Variants in USP37 observed in about 807,000 individuals in gnomAD.
USP37 encodes ubiquitin carboxyl-terminal hydrolase 37.
USP37 carries 27 observed loss-of-function variants against 124.0 expected under a neutral mutation model. The observed-to-expected ratio is 0.22, with a 90% CI of 0.16 to 0.30. The LOEUF is 0.30. Ranked by LOEUF, USP37 falls within the 10% of genes least tolerant of loss-of-function variation. The pLI is 1.00. For missense variants in USP37, 889 were observed against 1,140.4 expected (o/e 0.78, Z 3.17); for synonymous variants, 365 against 388.0 (o/e 0.94, Z 0.70).
At chr2:218,566,812 G>C (rs1516086) in intron 1 of USP37, among the ~76,000 whole-genome samples, 1 of 151,958 alleles carries the variant, frequency 6.6e-6, no homozygotes, top group African/African-American at 2.4e-5. Context: ...TGCAAGACAC[G>C]TATTGGAAGT....
At chr2:218,529,665 A>C (rs895305972) in intron 10 of USP37, among the ~76,000 whole-genome samples, 8 of 151,884 alleles carry the variant, frequency 5.3e-5, no homozygotes, top group African/African-American at 1.9e-4. Flanking sequence ...TCTGTTGCTC[A>C]AGCTGGAGTA....
chr2:218,533,326 A>T (rs940449548), intron 9 of USP37, among the ~76,000 whole-genome samples: 1 of 151,920 alleles, frequency 6.6e-6, no homozygotes. Context: ...TTGACTCTTT[A>T]TTGTAGAAAA....
intron 10 of USP37, among the ~76,000 whole-genome samples, chr2:218,513,963 C>T (rs1690139816): frequency 6.6e-6 from 1 of 151,798 alleles, no homozygotes. Context: ...ATGCACATCA[C>T]CACGCCCTGC....
At position 218,528,803 on chromosome 2, in the gene USP37, GAAAAAAAAAAAAAAAAAAAAAAAAAA is replaced by G. The variant is rs58650311; in HGVS notation, c.863+1127_863+1152del. 1.3e-3 allele frequency: 38 copies of G among 29,704 alleles called. 1 individual carries two copies. The highest frequency in any genetic ancestry group is 4.0e-3 in the African/African-American group (32 of 7,964). The allele number at this position is 29,704 out of a possible 1,614,324, so 1.8% of individuals were successfully genotyped here. On this transcript the variant is annotated intron_variant, in intron 10 of 25. Transcript: ENST00000258399. Reference sequence around the variant, plus strand: ...TTATGTATTTATACCCAATAAATCTGAAAAAAAAAAAAAAAAAAAAAAAAAAAAAAAAAAAAAAGAGCTTATCTATA... The same window carrying G: ...TTATGTATTTATACCCAATAAATCTGAAAAAAAAAAAAGAGCTTATCTATA...
At chr2:218,491,637 T>C (rs927384909) in intron 14 of USP37, among the ~76,000 whole-genome samples, 1 of 152,116 alleles carries the variant, frequency 6.6e-6, no homozygotes, top group African/African-American at 2.4e-5. Context: ...TGCCAGAAAA[T>C]GTTCTAGGCA....
chr2:218,493,316 C>A (rs1688899301), intron 14 of USP37, among the ~76,000 whole-genome samples: 1 of 152,148 alleles, frequency 6.6e-6, no homozygotes, highest in South Asian at 2.1e-4. Flanking sequence ...CACAACCTGC[C>A]CGGTCTAGCC....
chr2:218,460,098 A>AG (rs1217026249), intron 22 of USP37, among the ~76,000 whole-genome samples, 193 bp from the exon 23 acceptor site: 1 of 150,164 alleles, frequency 6.7e-6, no homozygotes, highest in African/African-American at 2.4e-5. Flanking sequence ...ATACAAAAAA[A>AG]AAAAAAAAAA....
At chr2:218,487,022 G>A (rs1027538165) in intron 15 of USP37, among the ~76,000 whole-genome samples, 37 of 152,094 alleles carry the variant, frequency 2.4e-4, no homozygotes, top group Admixed American at 5.2e-4. Context: ...CACCGTGCCC[G>A]GCCTTATTTT....
intron 8 of USP37, 85 bp downstream of exon 8, chr2:218,546,136 C>A: frequency 3.5e-6 from 4 of 1,142,458 alleles, no homozygotes; most frequent in South Asian, 1.4e-5. Flanking sequence ...AAATTAAAAC[C>A]ATTTCCCCAA....
At chr2:218,559,008 A>AG (rs1693174308) in intron 3 of USP37, among the ~76,000 whole-genome samples, 2 of 151,798 alleles carry the variant, frequency 1.3e-5, no homozygotes, top group South Asian at 4.2e-4. Context: ...AGTTAAAAAA[A>AG]AAAAAAAAGT....
chr2:218,528,625 A>C (rs919469799), intron 10 of USP37: 10 of 401,066 alleles, frequency 2.5e-5, no homozygotes, highest in Non-Finnish European at 4.4e-5. Context: ...ATGGCTGCAT[A>C]GTATTCCATG....
In USP37 at chr2:218,454,727, C is replaced by T; in HGVS notation, c.*203G>A. The stretch of plus-strand genomic sequence containing the variant: ...ACTCATAGGAGAAAAAGAGGATAAT[C>T]AGCTACGGATGTGAGACCAAAGTTT... On this transcript the variant is annotated 3_prime_UTR_variant, in exon 26 of 26. Coordinates refer to ENST00000258399, the MANE Select transcript of USP37 (RefSeq NM_020935.3). The T allele has an allele frequency of 4.0e-6, 4 of 1,004,264 alleles. No individual in the cohort carries two copies. The highest frequency in any genetic ancestry group is 5.5e-6 in the Non-Finnish European group (4 of 724,374). The allele number at this position is 1,004,264 out of a possible 1,614,324, so 62.2% of individuals were successfully genotyped here.
rs532572623 is a variant in USP37 at position 218,459,149 on chromosome 2, A to C, written c.2643+641T>G. On this transcript the variant is annotated intron_variant, in intron 23 of 25. Transcript: ENST00000258399. ...ATTCAATAGTTTTCAGTGAGGAACA[A>C]CCGTTTTTGGTATTTAATTATAAAG... Among the ~76,000 whole-genome samples, 4 of 152,064 alleles carry C rather than the reference A, an allele frequency of 2.6e-5. No homozygotes were observed. The South Asian group carries it at 8.3e-4, about 32-fold the overall frequency.
Position 218,453,656 on chromosome 2 carries a change from T to C in USP37, c.*1274A>G, listed in dbSNP as rs904374617. 2.0e-5 allele frequency: 3 copies of C among 152,218 alleles called. No individual in the cohort carries two copies. Among genetic ancestry groups the C allele is most frequent in the African/African-American group, 7.2e-5 (3 of 41,460 alleles). 9.4% of individuals were successfully genotyped at this position (152,218 alleles called of 1,614,324 possible). On this transcript the variant is annotated 3_prime_UTR_variant, in exon 26 of 26. Transcript: ENST00000258399. ...GGTTACGTCAGCTAAGTGACTAGCA[T>C]AGCACTTAATGTTGCCGCTCTACTT...
At chr2:218,478,727 C>A (rs1691101051) in intron 18 of USP37, among the ~76,000 whole-genome samples, 1 of 152,180 alleles carries the variant, frequency 6.6e-6, no homozygotes, top group South Asian at 2.1e-4. Flanking sequence ...GAAAAATATT[C>A]ATCCTGTAAA....
At chr2:218,538,322 G>A (rs1691772380) in intron 8 of USP37, among the ~76,000 whole-genome samples, 1 of 152,168 alleles carries the variant, frequency 6.6e-6, no homozygotes, top group African/African-American at 2.4e-5. Flanking sequence ...CTCCTGGGTT[G>A]TGGCAAATGA....
At chr2:218,487,344 T>C (rs1035433228) in intron 15 of USP37, among the ~76,000 whole-genome samples, 6 of 152,252 alleles carry the variant, frequency 3.9e-5, no homozygotes, top group African/African-American at 1.4e-4. Flanking sequence ...ACTTACGTGA[T>C]ATCTACAGTT....
chr2:218,458,332 G>A (rs1689822730), intron 23 of USP37, among the ~76,000 whole-genome samples: 2 of 150,984 alleles, frequency 1.3e-5, no homozygotes, highest in Admixed American at 6.6e-5. Context: ...CATACTTTGG[G>A]AGGCAGAGAT....
At chr2:218,470,484 C>T (rs1690617954) in intron 20 of USP37, among the ~76,000 whole-genome samples, 1 of 152,090 alleles carries the variant, frequency 6.6e-6, no homozygotes, top group Non-Finnish European at 1.5e-5. Context: ...AACATAAATC[C>T]TTATCAAATA....
Sources: allele counts gnomAD v4.1 joint callset (sites outside exome capture counted in the v4.1 genomes callset), GRCh38; gene constraint gnomAD v4.1.1; transcripts MANE v1.5; gene names NCBI Gene and HGNC (gene_info 2026-07-23, HGNC 2026-07-21).